HEMK2: variants seen among roughly 807,000 people sequenced by gnomAD.
The protein encoded by HEMK2 is methyltransferase HEMK2.
chr21:28,740,250 T>C, the HEMK2 span, among the ~76,000 whole-genome samples: 1 of 152,228 alleles, frequency 6.6e-6, no homozygotes. Context: ...AGCAGGTTTC[T>C]CTATTTACTT....
chr21:28,774,843 T>A, the HEMK2 span, among the ~76,000 whole-genome samples: 1 of 152,158 alleles, frequency 6.6e-6, no homozygotes, highest in African/African-American at 2.4e-5. Flanking sequence ...AAGATGAGCA[T>A]CTTTGTAATA....
the HEMK2 span, among the ~76,000 whole-genome samples, chr21:28,693,591 G>A: frequency 2.6e-5 from 4 of 152,136 alleles, no homozygotes; most frequent in Admixed American, 6.5e-5. Context: ...AATGACACCC[G>A]TTAAGCATGC....
the HEMK2 span, among the ~76,000 whole-genome samples, chr21:28,662,350 A>G: frequency 6.6e-6 from 1 of 152,192 alleles, no homozygotes; most frequent in African/African-American, 2.4e-5. Context: ...CAGGTTTGTC[A>G]TCTGCCTCCA....
At chr21:28,881,760 T>A in the HEMK2 span, among the ~76,000 whole-genome samples, 1 of 151,768 alleles carries the variant, frequency 6.6e-6, no homozygotes, top group East Asian at 1.9e-4. Context: ...GCCTCCCAAG[T>A]AGCTGGCACG....
At chr21:28,698,566 G>A in the HEMK2 span, among the ~76,000 whole-genome samples, 3 of 151,750 alleles carry the variant, frequency 2.0e-5, no homozygotes, top group Non-Finnish European at 4.4e-5. Flanking sequence ...AAAGAAATGA[G>A]GAATGACTAT....
At chr21:28,696,951 G>C in the HEMK2 span, among the ~76,000 whole-genome samples, 1 of 152,310 alleles carries the variant, frequency 6.6e-6, no homozygotes, top group South Asian at 2.1e-4. Context: ...CTGGGACACG[G>C]GGCACCATGT....
At chr21:28,610,077 A>G in the HEMK2 span, among the ~76,000 whole-genome samples, 1 of 152,154 alleles carries the variant, frequency 6.6e-6, no homozygotes, top group Non-Finnish European at 1.5e-5. Context: ...ATTCATCACA[A>G]AGAGACCATC....
the HEMK2 span, among the ~76,000 whole-genome samples, chr21:28,662,218 T>C: frequency 4.6e-5 from 7 of 152,110 alleles, no homozygotes; most frequent in Non-Finnish European, 7.4e-5. Context: ...ACGTGTAAAC[T>C]GTACACTACA....
At chr21:28,668,167 C>T in the HEMK2 span, among the ~76,000 whole-genome samples, 5 of 152,112 alleles carry the variant, frequency 3.3e-5, no homozygotes, top group African/African-American at 1.2e-4. Context: ...AAATAAGGCA[C>T]TAAAGGCATC....
the HEMK2 span, among the ~76,000 whole-genome samples, chr21:28,667,414 G>A: frequency 2.6e-5 from 4 of 152,086 alleles, no homozygotes; most frequent in African/African-American, 7.2e-5. Context: ...TGAGAATGGG[G>A]GAAAGAGAGA....
At chr21:28,586,795 C>T in the HEMK2 span, among the ~76,000 whole-genome samples, 1 of 152,320 alleles carries the variant, frequency 6.6e-6, no homozygotes, top group East Asian at 1.9e-4. Flanking sequence ...AGCCCACTTT[C>T]TGGTTCATAA....
chr21:28,793,869 G>A, the HEMK2 span, among the ~76,000 whole-genome samples: 1 of 152,156 alleles, frequency 6.6e-6, no homozygotes, highest in Non-Finnish European at 1.5e-5. Flanking sequence ...GCAGCCAGAA[G>A]CCAAGAGGAC....
At chr21:28,831,368 C>T in the HEMK2 span, among the ~76,000 whole-genome samples, 1 of 150,138 alleles carries the variant, frequency 6.7e-6, no homozygotes, top group African/African-American at 2.5e-5. Flanking sequence ...ATCACTTGAA[C>T]CTGGGAGGCA....
the HEMK2 span, among the ~76,000 whole-genome samples, chr21:28,594,585 A>G: frequency 1.3e-5 from 2 of 152,214 alleles, no homozygotes; most frequent in African/African-American, 4.8e-5. Context: ...TGAAATTCCT[A>G]TTTGACTAGC....
the HEMK2 span, among the ~76,000 whole-genome samples, chr21:28,768,897 G>T: frequency 7.2e-5 from 11 of 151,892 alleles, no homozygotes; most frequent in Admixed American, 6.6e-5. Flanking sequence ...AAACACCAGG[G>T]GTGAGCATGC....
chr21:28,689,317 T>C, the HEMK2 span, among the ~76,000 whole-genome samples: 1 of 152,196 alleles, frequency 6.6e-6, no homozygotes, highest in African/African-American at 2.4e-5. Flanking sequence ...AGGGTTACAG[T>C]AACAAAAGCA....
the HEMK2 span, chr21:28,876,371 GCACA>G: frequency 6.5e-7 from 1 of 1,547,546 alleles, no homozygotes; most frequent in Non-Finnish European, 8.8e-7. Flanking sequence ...GTAGTTCTGG[GCACA>G]CACTGTATGC....
At chr21:28,786,978 T>G in the HEMK2 span, among the ~76,000 whole-genome samples, 1 of 152,000 alleles carries the variant, frequency 6.6e-6, no homozygotes, top group Non-Finnish European at 1.5e-5. Context: ...AAAGCAAGAC[T>G]AAGCAAAAAG....
chr21:28,826,197 T>C, the HEMK2 span, among the ~76,000 whole-genome samples: 1 of 152,196 alleles, frequency 6.6e-6, no homozygotes, highest in Non-Finnish European at 1.5e-5. Context: ...CTCACTGCCT[T>C]TTGACAGTCA....
Sources: gnomAD v4.1 joint callset for allele counts (sites outside exome capture counted in the v4.1 genomes callset) on GRCh38, gnomAD v4.1.1 for gene constraint, MANE v1.5 for transcripts, NCBI Gene and HGNC (gene_info 2026-07-23, HGNC 2026-07-21) for gene names.